The following PHACTR3 variants were observed in gnomAD, a reference collection of about 807,000 sequenced individuals.
PHACTR3 encodes phosphatase and actin regulator 3.
In PHACTR3, 16 loss-of-function variants were observed where a neutral mutation model predicts 66.8. The ratio of observed to expected loss-of-function variants is 0.24; its 90% confidence interval spans 0.16 to 0.36. The LOEUF is 0.36. PHACTR3 is among the 10% of genes least tolerant of loss of function. The pLI is 1.00. For synonymous variants in PHACTR3, 323 were observed against 292.1 expected (o/e 1.11, Z -1.08); for missense variants, 647 against 719.9 (o/e 0.90, Z 1.16).
At chr20:59,635,101 C>CTCTCTCTTTCTT (rs1555881117) in intron 1 of PHACTR3, among the ~76,000 whole-genome samples, 5 of 92,986 alleles carry the variant, frequency 5.4e-5, no homozygotes, top group East Asian at 4.4e-4. Flanking sequence ...TTCTTTCTCT[C>CTCTCTCTTTCTT]TCTTTCTTTC....
At chr20:59,614,169 C>T (rs1036266121) in intron 1 of PHACTR3, among the ~76,000 whole-genome samples, 1 of 152,234 alleles carries the variant, frequency 6.6e-6, no homozygotes, top group Non-Finnish European at 1.5e-5. Context: ...CTCCCTCATC[C>T]TGCAACTTAC....
intron 8 of PHACTR3, among the ~76,000 whole-genome samples, chr20:59,812,353 C>T (rs985172261): frequency 6.6e-5 from 10 of 152,226 alleles, no homozygotes; most frequent in Non-Finnish European, 1.2e-4. Flanking sequence ...CTCTGAGTGG[C>T]TTCTCTGCAC....
intron 12 of PHACTR3, among the ~76,000 whole-genome samples, chr20:59,846,361 GA>G (rs1335233280): frequency 6.6e-6 from 1 of 152,012 alleles, no homozygotes; most frequent in African/African-American, 2.4e-5. Context: ...GGATGAATAG[GA>G]AAAAATTATG....
At position 59,652,308 on chromosome 20, in the gene PHACTR3, C is replaced by T. The variant is rs549071953; in HGVS notation, c.118+47176C>T. Among the ~76,000 whole-genome samples the T allele has an allele frequency of 2.7e-3, 408 of 152,206 alleles. 3 individuals carry two copies. Among genetic ancestry groups the T allele is most frequent in the Non-Finnish European group, 3.9e-3 (265 of 68,010 alleles). ...ATCCCAGCACTTTGGGGTGGGGGCACCTAGCAGGGAGGATCACTTGAGGCC... is the reference window on the plus strand; with the variant it reads ...ATCCCAGCACTTTGGGGTGGGGGCATCTAGCAGGGAGGATCACTTGAGGCC... On this transcript the variant is annotated intron_variant, in intron 1 of 12. Transcript: ENST00000371015.
At chr20:59,642,451 T>A (rs2035140431) in intron 1 of PHACTR3, among the ~76,000 whole-genome samples, 1 of 150,840 alleles carries the variant, frequency 6.6e-6, no homozygotes, top group Admixed American at 6.6e-5. Context: ...TGGCTACTTT[T>A]GTGTGTGTTC....
At chr20:59,690,944 G>T (rs2037086224) in intron 1 of PHACTR3, among the ~76,000 whole-genome samples, 2 of 152,186 alleles carry the variant, frequency 1.3e-5, no homozygotes. Context: ...AGTATTGAGG[G>T]CCATGACAAC....
intron 1 of PHACTR3, among the ~76,000 whole-genome samples, chr20:59,713,582 G>A (rs2037981015): frequency 6.6e-6 from 1 of 152,076 alleles, no homozygotes; most frequent in Non-Finnish European, 1.5e-5. Flanking sequence ...ATGTTACCGG[G>A]TTTGATAATA....
At chr20:59,682,895 T>G (rs1227216956) in intron 1 of PHACTR3, among the ~76,000 whole-genome samples, 1 of 152,108 alleles carries the variant, frequency 6.6e-6, no homozygotes, top group East Asian at 1.9e-4. Context: ...TGCCAGCACT[T>G]GGGCTTTTGC....
chr20:59,812,908 TG>T, intron 8 of PHACTR3, among the ~76,000 whole-genome samples: 1 of 152,148 alleles, frequency 6.6e-6, no homozygotes, highest in South Asian at 2.1e-4. Flanking sequence ...GGCTAAGCAG[TG>T]TCCCTGGGTC....
intron 11 of PHACTR3, 92 bp downstream of exon 11, chr20:59,841,627 G>A: frequency 7.4e-7 from 1 of 1,356,122 alleles, no homozygotes; most frequent in Non-Finnish European, 9.9e-7. Context: ...GACAATGGGA[G>A]CCCTCAACTA....
In PHACTR3 at chr20:59,617,209, C is replaced by T. The variant is rs144137296; in HGVS notation, c.118+12077C>T. Among the ~76,000 whole-genome samples, 85 of 152,146 alleles carry T rather than the reference C, an allele frequency of 5.6e-4. 2 individuals carry two copies. The East Asian group carries it at 5.8e-3, about 10-fold the overall frequency. On this transcript the variant is annotated intron_variant, in intron 1 of 12. Coordinates refer to ENST00000371015, the MANE Select transcript of PHACTR3 (RefSeq NM_080672.5). ...TTGACTCTTGGGTACGTGATAGTGA[C>T]GTCTAGCACCCCTCCTCATACCTAT...
chr20:59,783,730 C>A (rs1460657467), intron 7 of PHACTR3, among the ~76,000 whole-genome samples: 1 of 152,192 alleles, frequency 6.6e-6, no homozygotes, highest in South Asian at 2.1e-4. Context: ...GTGCTGTGGA[C>A]ACAGTGATAC....
intron 1 of PHACTR3, among the ~76,000 whole-genome samples, chr20:59,614,330 A>G (rs1311327250): frequency 1.3e-5 from 2 of 152,264 alleles, no homozygotes; most frequent in Non-Finnish European, 2.9e-5. Flanking sequence ...CAGTTCATTT[A>G]ACCAGAATGG....
rs61552675 is a variant in PHACTR3 at position 59,594,959 on chromosome 20, A to G, written c.109+17342A>G. Among the ~76,000 whole-genome samples, 885 of 152,294 alleles carry G rather than the reference A, an allele frequency of 5.8e-3. 10 individuals carry two copies. Among genetic ancestry groups the G allele is most frequent in the African/African-American group, 0.02 (832 of 41,560 alleles). The stretch of plus-strand genomic sequence containing the variant: ...ATTTCACTCTAAACATTGTTCTCAC[A>G]GCACCCACGAATTTTGATAAGTTGT... On this transcript the variant is annotated intron_variant, in intron 1 of 12. Transcript: ENST00000359926.
chr20:59,634,108 GAT>G (rs2146400301), intron 1 of PHACTR3, among the ~76,000 whole-genome samples: 1 of 152,330 alleles, frequency 6.6e-6, no homozygotes, highest in East Asian at 1.9e-4. Context: ...TTGCCTGGGA[GAT>G]AGATATAATG....
Position 59,772,498 on chromosome 20 carries a change from A to G in PHACTR3, c.752-781A>G, listed in dbSNP as rs2040393049. Among the ~76,000 whole-genome samples, 3 of 152,310 alleles carry G rather than the reference A, an allele frequency of 2.0e-5. No homozygotes were observed. In the South Asian group the frequency reaches 6.2e-4, roughly 32 times the overall value. Reference sequence around the variant, plus strand: ...GGGACAGGAGACGAGGGATCTGATCATGGCCTCTCTAAGGAAATGGTATTC... The same window carrying G: ...GGGACAGGAGACGAGGGATCTGATCGTGGCCTCTCTAAGGAAATGGTATTC... On this transcript the variant is annotated intron_variant, in intron 5 of 12. Transcript: ENST00000371015.
chr20:59,810,913 C>G (rs150927119), intron 8 of PHACTR3, among the ~76,000 whole-genome samples: 1 of 152,342 alleles, frequency 6.6e-6, no homozygotes, highest in South Asian at 2.1e-4. Context: ...CACAGAGGCA[C>G]GGGCTGTTTT....
intron 5 of PHACTR3, among the ~76,000 whole-genome samples, chr20:59,769,055 C>G (rs545567584): frequency 6.6e-6 from 1 of 152,228 alleles, no homozygotes; most frequent in Non-Finnish European, 1.5e-5. Context: ...TTGGCCCCAG[C>G]TGTTCTCCCT....
At chr20:59,741,982 C>T (rs1182467) in intron 1 of PHACTR3, among the ~76,000 whole-genome samples, 67,736 of 152,064 alleles carry the variant, frequency 0.45, 17,794 homozygotes, top group Non-Finnish European at 0.58. Context: ...AGGCTGGTCT[C>T]GAACTCCTGA....
Sources: gnomAD v4.1 joint callset for allele counts (sites outside exome capture counted in the v4.1 genomes callset) on GRCh38, gnomAD v4.1.1 for gene constraint, MANE v1.5 for transcripts, NCBI Gene and HGNC (gene_info 2026-07-23, HGNC 2026-07-21) for gene names.